The following WNK4 variants were observed in gnomAD, a reference collection of about 807,000 sequenced individuals.
WNK4 encodes the protein WNK lysine deficient protein kinase 4, also known as serine/threonine-protein kinase WNK4.
Under a neutral mutation model 116.2 loss-of-function variants are expected in WNK4, and 94 were observed. The ratio of observed to expected loss-of-function variants is 0.81; its 90% CI spans 0.68 to 0.96. The LOEUF (loss-of-function observed/expected upper bound fraction) is 0.96, where lower values mean the gene tolerates loss of function less well. Among genes scored for constraint, WNK4 ranks in the 40% least tolerant of loss-of-function variants. The pLI, the probability that WNK4 is intolerant of heterozygous loss-of-function variation, is 0.00. For missense variants in WNK4, 1,542 were observed against 1,650.6 expected, an observed-to-expected ratio of 0.93 and a Z score of 1.14; for synonymous variants, 655 against 672.7, an observed-to-expected ratio of 0.97 and a Z score of 0.41.
Position 42,785,330 on chromosome 17 carries a change from C to G in WNK4, c.1324C>G (p.Leu442Val), listed in dbSNP as rs2054534075. Residue 442 changes from leucine (L) to valine (V), a missense_variant, in exon 6 of 19, where the codon CTA (leucine) becomes GTA (valine). Physicochemically the swap from Leu to Val is conservative, Grantham distance 32. Around this residue, in one of 7 missense-constraint regions of WNK4, gnomAD observed 808 missense variants for 873.6 expected, o/e 0.92. Transcript: ENST00000246914. ...CGAGGAGCGCGGTGTGCACGTGGAA[C>G]TAGCGGAGGAGGACGACGGCGAGAA... ...FREERGVHVE[L>V]AEEDDGEKPG... The G allele has an allele frequency of 6.2e-7, 1 of 1,612,104 alleles. No individual in the cohort carries two copies. Among genetic ancestry groups the G allele is most frequent in the South Asian group, 1.1e-5 (1 of 90,756 alleles).
At chr17:42,785,526 C>A in intron 6 of WNK4, 44 bp downstream of exon 6, 1 of 1,548,206 alleles carries the variant, frequency 6.5e-7, no homozygotes, top group Non-Finnish European at 8.7e-7. Flanking sequence ...GTGTAAAGGA[C>A]ATTGACTCGA....
chr17:42,784,135 C>T lies in WNK4; in HGVS notation c.990C>T (p.Ala330=), dbSNP rs752803508. The change falls in exon 3 of 19, where the codon GCC becomes GCT. Residue 330 remains alanine (A), a synonymous_variant. Transcript: ENST00000246914. This position sits in a 1 kb window ranked among gnomAD's most constrained non-coding sequence, Gnocchi z 4.4. ...GDLGLATLKR[A]SFAKSVIGTP... Reference sequence around the variant, plus strand: ...TGGGCCTGGCCACGCTCAAGCGCGCCTCCTTTGCCAAGAGTGTCATCGGTG... The same window carrying T: ...TGGGCCTGGCCACGCTCAAGCGCGCTTCCTTTGCCAAGAGTGTCATCGGTG... 3.1e-6 allele frequency: 5 copies of T among 1,607,402 alleles called. No homozygotes were observed. In the Admixed American group the frequency reaches 5.0e-5, roughly 16 times the overall value.
rs1357872593 is a variant in WNK4, at chr17:42,788,918, A to G, written c.2157+121A>G. On this transcript the variant is annotated intron_variant, in intron 11 of 18. Coordinates refer to ENST00000246914, the MANE Select transcript of WNK4 (RefSeq NM_032387.5). ...AAGCATTTTTAAATCTCTGGTTGACACTTAGCACAGTAACGCTGAAGATGT... is the reference window on the plus strand; with the variant it reads ...AAGCATTTTTAAATCTCTGGTTGACGCTTAGCACAGTAACGCTGAAGATGT... 3 of 832,876 alleles carry G rather than the reference A, an allele frequency of 3.6e-6. No individual in the cohort carries two copies. In the East Asian group the frequency reaches 7.3e-5, roughly 20 times the overall value. The allele number at this position is 832,876 out of a possible 1,614,324, so 51.6% of individuals were successfully genotyped here.
chr17:42,793,613 C>G lies in WNK4; in HGVS notation c.2179C>G (p.Pro727Ala), dbSNP rs1297633996. Residue 727 changes from proline (P) to alanine (A), a missense_variant, in exon 12 of 19, where the codon CCT becomes GCT. Pro to Ala is a conservative substitution (Grantham distance 27). Transcript: ENST00000246914. Reference sequence around the variant, plus strand: ...CAAGGTATATAACGAGTTCATTCTGCCTTCGGAGCGAGATGGATTTCTCAG... The same window carrying G: ...CAAGGTATATAACGAGTTCATTCTGGCTTCGGAGCGAGATGGATTTCTCAG... ...AAMVYNEFIL[P>A]SERDGFLRRI... The G allele has an allele frequency of 1.2e-6, 2 of 1,613,900 alleles. No homozygotes were observed. The highest frequency in any genetic ancestry group is 1.3e-5 in the African/African-American group (1 of 74,896).
At chr17:42,787,159 G>T in intron 6 of WNK4, 119 bp from the exon 7 acceptor site, 1 of 1,418,506 alleles carries the variant, frequency 7.0e-7, no homozygotes, top group Non-Finnish European at 9.6e-7. Flanking sequence ...AGACATAGTG[G>T]GTAATCAGTA....
intron 11 of WNK4, 21 bp from the exon 12 acceptor site, chr17:42,793,571 C>A (rs550065794): frequency 6.2e-7 from 1 of 1,613,266 alleles, no homozygotes; most frequent in South Asian, 1.1e-5. Flanking sequence ...TCTCCCTCCC[C>A]ATCCTGTTGA....
In WNK4 at chr17:42,787,914, C is replaced by T; in HGVS notation, c.1863+15C>T. On this transcript the variant is annotated intron_variant, in intron 8 of 18. Coordinates refer to ENST00000246914, the MANE Select transcript of WNK4 (RefSeq NM_032387.5). ...GCCTGCCCTCGGTGAGAGGGGGTCG[C>T]ATGGGGGGCTCCCAGCCATTCCAAG... 1 of 1,608,414 alleles carries T rather than the reference C, an allele frequency of 6.2e-7. No homozygotes were observed. The highest frequency in any genetic ancestry group is 8.5e-7 in the Non-Finnish European group (1 of 1,179,908).
rs1298822512 is a variant in WNK4, at chr17:42,787,453, C to A, written c.1652C>A (p.Pro551His). Residue 551 changes from proline (P) to histidine (H), a missense_variant, in exon 7 of 19, where the codon CCC becomes CAC. Pro to His is a moderately conservative substitution (Grantham distance 77, BLOSUM62 -2). Around this residue, in one of 7 missense-constraint regions of WNK4, gnomAD observed 808 missense variants for 873.6 expected, o/e 0.92. Coordinates refer to ENST00000246914, the MANE Select transcript of WNK4 (RefSeq NM_032387.5). ...ACTGTGCCCATGGCCCCCGGTCCCC[C>A]CAGTGTCTTCCCCCCTGAGCCTGAG... Reference protein sequence around the residue: ...PATVPMAPGPPSVFPPEPEEP... With the variant: ...PATVPMAPGPHSVFPPEPEEP... The A allele has an allele frequency of 6.6e-7, 1 of 1,511,604 alleles. No individual in the cohort carries two copies. The highest frequency in any genetic ancestry group is 9.0e-7 in the Non-Finnish European group (1 of 1,116,360). The allele number at this position is 1,511,604 out of a possible 1,614,324, so 93.6% of individuals were successfully genotyped here.
In WNK4 at chr17:42,795,787, G is replaced by A; in HGVS notation, c.3185G>A (p.Gly1062Asp). The A allele has an allele frequency of 6.2e-7, 1 of 1,613,848 alleles. No homozygotes were observed. The highest frequency in any genetic ancestry group is 8.5e-7 in the Non-Finnish European group (1 of 1,180,020). Residue 1062 changes from glycine to aspartate, a missense_variant, in exon 16 of 19, where the codon GGC becomes GAC. Coordinates refer to ENST00000246914, the MANE Select transcript of WNK4 (RefSeq NM_032387.5). ...ESSDTEDSAG[G>D]GPETREALAE... Reference sequence around the variant, plus strand: ...TCAGATACAGAGGACAGTGCTGGAGGCGGGCCAGAGACCAGGGAAGCTCTG... The same window carrying A: ...TCAGATACAGAGGACAGTGCTGGAGACGGGCCAGAGACCAGGGAAGCTCTG...
chr17:42,796,826 A>G lies in WNK4; in HGVS notation c.*138A>G, dbSNP rs2054682228. ...TGAAGGGGTAGAAGGCCAGGGGGGCATGGAGAGTGCAGCTCCATTATAGTG... is the reference window on the plus strand; with the variant it reads ...TGAAGGGGTAGAAGGCCAGGGGGGCGTGGAGAGTGCAGCTCCATTATAGTG... On this transcript the variant is annotated 3_prime_UTR_variant, in exon 19 of 19. Coordinates refer to ENST00000246914, the MANE Select transcript of WNK4 (RefSeq NM_032387.5). 1.3e-6 allele frequency: 2 copies of G among 1,569,844 alleles called. No homozygotes were observed. The highest frequency in any genetic ancestry group is 1.7e-5 in the Admixed American group (1 of 59,100).
chr17:42,796,949 C>G lies in WNK4; in HGVS notation c.*261C>G. ...CACCTCCCCTGCCAAGAGTCAACCA[C>G]TAAGCAATCCCACCCAAGCCTGGAT... is the stretch of plus-strand genomic sequence containing the variant. On this transcript the variant is annotated 3_prime_UTR_variant, in exon 19 of 19. Transcript: ENST00000246914. 1 of 646,782 alleles carries G rather than the reference C, an allele frequency of 1.5e-6. No individual in the cohort carries two copies. Among genetic ancestry groups the G allele is most frequent in the South Asian group, 2.0e-5 (1 of 51,264 alleles). The allele number at this position is 646,782 out of a possible 1,614,324, so 40.1% of individuals were successfully genotyped here.
chr17:42,795,380 G>A lies in WNK4; in HGVS notation c.2959G>A (p.Glu987Lys). 2.5e-6 allele frequency: 4 copies of A among 1,614,076 alleles called. No individual in the cohort carries two copies. The highest frequency in any genetic ancestry group is 2.5e-6 in the Non-Finnish European group (3 of 1,180,010). ...ACCCCACACAGCTGAGGTGGAGAGT[G>A]AGGTGAGTAGAAAACCAAGAGGGAT... is the stretch of plus-strand genomic sequence containing the variant. ...PSPHTAEVES[E>K]ASPPPARPLP... Residue 987 changes from glutamate (E) to lysine (K), a missense_variant and splice_region_variant, in exon 14 of 19, where the codon GAG becomes AAG. Transcript: ENST00000246914.
chr17:42,796,445 T>C (rs2054674701), intron 17 of WNK4, 36 bp from the exon 18 acceptor site: 1 of 1,613,340 alleles, frequency 6.2e-7, no homozygotes, highest in South Asian at 1.1e-5. Context: ...TCCCCTTTCC[T>C]CACTTAGTGC....
rs1359167261 is a variant in WNK4, at chr17:42,795,048, T to A, written c.2627T>A (p.Leu876His). Reference sequence around the variant, plus strand: ...AGCACACCCGAGTTTCCGGTCCCACTCTCTCAGTGTCCCTGGAGTTCTCTC... The same window carrying A: ...AGCACACCCGAGTTTCCGGTCCCACACTCTCAGTGTCCCTGGAGTTCTCTC... ...SSSTPEFPVP[L>H]SQCPWSSLPT... The change falls in exon 14 of 19, where the codon CTC becomes CAC. Residue 876 changes from leucine to histidine, a missense_variant. By Grantham distance (99) the Leu-to-His change is moderately conservative. Transcript: ENST00000246914. The A allele has an allele frequency of 6.2e-7, 1 of 1,612,326 alleles. No individual in the cohort carries two copies. Among genetic ancestry groups the A allele is most frequent in the Non-Finnish European group, 8.5e-7 (1 of 1,179,684 alleles).
rs2054681463 is a variant in WNK4 at position 42,796,797 on chromosome 17, A to G, written c.*109A>G. 1.9e-6 allele frequency: 3 copies of G among 1,612,266 alleles called. No homozygotes were observed. The East Asian group carries it at 6.7e-5, about 36-fold the overall frequency. On this transcript the variant is annotated 3_prime_UTR_variant, in exon 19 of 19. Transcript: ENST00000246914. ...ACAAAACTGAGCAAGGAAGATCCCA[A>G]CACTGAAGGGGTAGAAGGCCAGGGG...
In WNK4 at chr17:42,780,624, C is replaced by G; in HGVS notation, c.-75C>G. The G allele has an allele frequency of 6.3e-7, 1 of 1,579,406 alleles. No individual in the cohort carries two copies. The highest frequency in any genetic ancestry group is 8.6e-7 in the Non-Finnish European group (1 of 1,168,006). On this transcript the variant is annotated 5_prime_UTR_variant, in exon 1 of 19. Transcript: ENST00000246914. The stretch of plus-strand genomic sequence containing the variant: ...GCCGCTCAGCCGGAGCGCAGCGCAC[C>G]CAGCGAGTCCGTCTGTCAGGCCGCC...
intron 12 of WNK4, 61 bp downstream of exon 12, chr17:42,793,790 T>C: frequency 6.2e-7 from 1 of 1,606,288 alleles, no homozygotes. Flanking sequence ...GGTTTATTAC[T>C]CTCTGCCCTC....
intron 12 of WNK4, chr17:42,794,145 T>C (rs58984478): frequency 0.049 from 15,887 of 321,156 alleles, 1,560 homozygotes; most frequent in African/African-American, 0.23. Flanking sequence ...TGAGCCACCG[T>C]GCCTGGCCTA....
chr17:42,796,035 T>G lies in WNK4; in HGVS notation c.3431+2T>G. The stretch of plus-strand genomic sequence containing the variant: ...TGAGCTGCAGAGTCTTCGGCAGAAG[T>G]GAGTCTCGGGAGGATGGAGGAGTGA... On this transcript the variant is annotated splice_donor_variant, in intron 16 of 18. Transcript: ENST00000246914. LOFTEE classifies it high-confidence loss of function. 1 of 1,613,696 alleles carries G rather than the reference T, an allele frequency of 6.2e-7. No homozygotes were observed. The highest frequency in any genetic ancestry group is 1.3e-5 in the African/African-American group (1 of 74,930).
Sources: gnomAD v4.1 joint callset for allele counts on GRCh38, gnomAD v4.1.1 for gene constraint, gnomAD v4.1.1 regional missense constraint, Gnocchi (gnomAD v3.1) non-coding constraint, MANE v1.5 for transcripts, NCBI Gene and HGNC (gene_info 2026-07-23, HGNC 2026-07-21) for gene names.